Variants in LRRC4C observed in about 807,000 individuals in gnomAD.
The protein encoded by LRRC4C is leucine rich repeat containing 4C.
Under a neutral mutation model 33.6 loss-of-function variants are expected in LRRC4C, and 5 were observed. The observed-to-expected ratio is 0.15, with a 90% CI of 0.08 to 0.31. LRRC4C has a LOEUF of 0.31. LRRC4C is among the 10% of genes least tolerant of loss of function. The pLI is 1.00. For synonymous variants in LRRC4C, 329 were observed against 302.0 expected (o/e 1.09, Z -0.93); for missense variants, 560 against 796.7 (o/e 0.70, Z 3.58).
chr11:41,366,594 C>G (rs1506722), intron 1 of LRRC4C, among the ~76,000 whole-genome samples: 64,682 of 151,724 alleles, frequency 0.43, 14,447 homozygotes, highest in Non-Finnish European at 0.49. Context: ...AGTGTTTCTC[C>G]CATTTAAATT....
intron 3 of LRRC4C, among the ~76,000 whole-genome samples, chr11:40,383,948 A>C (rs1282431104): frequency 4.7e-5 from 7 of 147,654 alleles, no homozygotes; most frequent in African/African-American, 1.7e-4. Flanking sequence ...TATTATTATT[A>C]TTATTTTGCT....
intron 5 of LRRC4C, among the ~76,000 whole-genome samples, chr11:40,207,320 G>T (rs1315435583): frequency 6.6e-6 from 1 of 152,134 alleles, no homozygotes; most frequent in Non-Finnish European, 1.5e-5. Flanking sequence ...AGGCATTATG[G>T]TTTTAAAGGA....
At chr11:41,057,211 C>A (rs570534472) in intron 1 of LRRC4C, among the ~76,000 whole-genome samples, 1 of 152,304 alleles carries the variant, frequency 6.6e-6, no homozygotes, top group East Asian at 1.9e-4. Flanking sequence ...CGCTCTAATC[C>A]TGTAGCAAAG....
intron 3 of LRRC4C, among the ~76,000 whole-genome samples, chr11:40,531,112 C>T (rs56151600): frequency 0.088 from 13,371 of 152,124 alleles, 1,669 homozygotes; most frequent in African/African-American, 0.28. Flanking sequence ...GCCAGCTACC[C>T]TTCTTTCATG....
intron 2 of LRRC4C, among the ~76,000 whole-genome samples, chr11:40,901,047 A>G (rs1956174496): frequency 6.6e-6 from 1 of 152,056 alleles, no homozygotes; most frequent in Admixed American, 6.6e-5. Context: ...ACGTTCTTTG[A>G]ACACATTTTC....
At chr11:40,945,023 CTTT>C (rs767515626) in intron 1 of LRRC4C, among the ~76,000 whole-genome samples, 1 of 111,122 alleles carries the variant, frequency 9.0e-6, no homozygotes, top group South Asian at 2.9e-4. Context: ...TGCAGTTTTT[CTTT>C]TTTTTTTTTT....
chr11:40,501,044 A>G (rs1218313360), intron 3 of LRRC4C, among the ~76,000 whole-genome samples: 1 of 152,198 alleles, frequency 6.6e-6, no homozygotes, highest in Non-Finnish European at 1.5e-5. Context: ...TACAGACCCC[A>G]TGCAAGTCTG....
Position 40,381,308 on chromosome 11 carries a change from A to G in LRRC4C, c.-269-61587T>C, listed in dbSNP as rs367697319. Among the ~76,000 whole-genome samples the G allele has an allele frequency of 8.7e-4, 133 of 152,098 alleles. 6 individuals are homozygous for G. In the East Asian group the frequency reaches 0.025, roughly 29 times the overall value. On this transcript the variant is annotated intron_variant, in intron 3 of 6. Transcript: ENST00000528697. ...ATCTGAGGTAGATAATTGATTTGGC[A>G]AATACAACCCATTATATTGGCCATT...
At chr11:40,958,537 A>G (rs1959059023) in intron 1 of LRRC4C, among the ~76,000 whole-genome samples, 1 of 151,770 alleles carries the variant, frequency 6.6e-6, no homozygotes, top group African/African-American at 2.4e-5. Flanking sequence ...ATAGAACATG[A>G]TAATCAACAT....
chr11:40,835,702 G>GCC (rs1173344057), intron 2 of LRRC4C, among the ~76,000 whole-genome samples: 4 of 152,034 alleles, frequency 2.6e-5, no homozygotes, highest in Non-Finnish European at 5.9e-5. Context: ...AAAGACATAA[G>GCC]CCCATTGGTA....
intron 3 of LRRC4C, among the ~76,000 whole-genome samples, chr11:40,343,329 G>A (rs965960174): frequency 6.8e-6 from 1 of 146,278 alleles, no homozygotes; most frequent in Non-Finnish European, 1.5e-5. Flanking sequence ...ATGCTATTAA[G>A]CACTAAAACT....
At chr11:40,869,189 G>A (rs1458050444) in intron 2 of LRRC4C, among the ~76,000 whole-genome samples, 1 of 152,140 alleles carries the variant, frequency 6.6e-6, no homozygotes, top group South Asian at 2.1e-4. Context: ...ACCCAGTTAT[G>A]TTCCAGGAAA....
chr11:40,844,115 T>G (rs1191090786), intron 2 of LRRC4C, among the ~76,000 whole-genome samples: 2 of 152,078 alleles, frequency 1.3e-5, no homozygotes, highest in African/African-American at 4.8e-5. Flanking sequence ...AAATATGGGA[T>G]GTGTAGATGG....
intron 1 of LRRC4C, among the ~76,000 whole-genome samples, chr11:40,948,789 C>T (rs1163637494): frequency 1.3e-5 from 2 of 150,592 alleles, no homozygotes; most frequent in Admixed American, 6.6e-5. Context: ...TGGGTTGGTT[C>T]CAAGTCTTTG....
intron 2 of LRRC4C, among the ~76,000 whole-genome samples, chr11:40,685,630 A>G (rs1440605583): frequency 1.3e-5 from 2 of 152,034 alleles, no homozygotes; most frequent in Non-Finnish European, 2.9e-5. Flanking sequence ...ACACACTTAC[A>G]CAAAAGTGAA....
At chr11:41,053,729 A>G (rs1858421480) in intron 1 of LRRC4C, among the ~76,000 whole-genome samples, 1 of 152,188 alleles carries the variant, frequency 6.6e-6, no homozygotes, top group Non-Finnish European at 1.5e-5. Flanking sequence ...TCCATATAGA[A>G]CTCATGTTGA....
chr11:40,809,565 C>T (rs1951397881), intron 2 of LRRC4C, among the ~76,000 whole-genome samples: 1 of 152,062 alleles, frequency 6.6e-6, no homozygotes, highest in Non-Finnish European at 1.5e-5. Context: ...AGATATTCTA[C>T]TCATTCATTT....
In LRRC4C at chr11:40,426,903, T is replaced by A. The variant is rs1950737094; in HGVS notation, c.-269-107182A>T. On this transcript the variant is annotated intron_variant, in intron 3 of 6. Coordinates refer to ENST00000528697, the MANE Select transcript of LRRC4C (RefSeq NM_001258419.2). The stretch of plus-strand genomic sequence containing the variant: ...ATCTCACTCCATTTCTAGCAGCAGA[T>A]TCTCTTTTTTCTGGTCAAGTTTTTT... Among the ~76,000 whole-genome samples, 3 of 152,188 alleles carry A rather than the reference T, an allele frequency of 2.0e-5. 1 individual carries two copies. The highest frequency in any genetic ancestry group is 2.0e-4 in the Admixed American group (3 of 15,288).
intron 2 of LRRC4C, among the ~76,000 whole-genome samples, chr11:40,686,306 A>G (rs889278784): frequency 6.6e-6 from 1 of 152,100 alleles, no homozygotes; most frequent in Non-Finnish European, 1.5e-5. Flanking sequence ...TCCACAGCCC[A>G]GCATAACACT....
Sources: gnomAD v4.1 joint callset for allele counts (sites outside exome capture counted in the v4.1 genomes callset) on GRCh38, gnomAD v4.1.1 for gene constraint, MANE v1.5 for transcripts, NCBI Gene and HGNC (gene_info 2026-07-23, HGNC 2026-07-21) for gene names.